The following ACSL1 variants were observed in gnomAD, a reference collection of about 807,000 sequenced individuals.
The protein encoded by ACSL1 is acyl-CoA synthetase long chain family member 1.
Under a neutral mutation model 98.4 loss-of-function variants are expected in ACSL1, and 41 were observed. The ratio of observed to expected loss-of-function variants is 0.42; its 90% CI spans 0.32 to 0.54. ACSL1 has a LOEUF of 0.54. ACSL1 is among the 20% of genes least tolerant of loss of function. The pLI, the probability that ACSL1 is intolerant of heterozygous loss-of-function variation, is 0.13. For synonymous variants in ACSL1, 316 were observed against 322.7 expected (o/e 0.98, Z 0.22); for missense variants, 734 against 883.1 (o/e 0.83, Z 2.14).
rs1385759276 is a variant in ACSL1, at chr4:184,757,748, T to C, written c.1885-42A>G. On this transcript the variant is annotated intron_variant, in intron 19 of 20. Transcript: ENST00000281455. The surrounding 1 kb of genome is among the most constrained non-coding windows in gnomAD (Gnocchi z 4.5). ...AATAAATTACTTCCTCTGTTAGAGG[T>C]CCCTGAATATCTACAGGTACATTTA... 2.5e-6 allele frequency: 4 copies of C among 1,609,538 alleles called. No individual in the cohort carries two copies. The highest frequency in any genetic ancestry group is 2.6e-6 in the Non-Finnish European group (3 of 1,176,190).
Position 184,773,771 on chromosome 4 carries a change from A to C in ACSL1, c.790-57T>G. 1.2e-6 allele frequency: 2 copies of C among 1,610,982 alleles called. No homozygotes were observed. Among genetic ancestry groups the C allele is most frequent in the Non-Finnish European group, 1.7e-6 (2 of 1,179,020 alleles). On this transcript the variant is annotated intron_variant, in intron 8 of 20. Coordinates refer to ENST00000281455, the MANE Select transcript of ACSL1 (RefSeq NM_001995.5). This position sits in a 1 kb window ranked among gnomAD's most constrained non-coding sequence, Gnocchi z 4.3. ...AATCAGAACAGAAAAGAGAACTATA[A>C]GCCACAAGGTACCAGGCTAGATATT... is the stretch of plus-strand genomic sequence containing the variant.
intron 7 of ACSL1, among the ~76,000 whole-genome samples, chr4:184,776,274 G>C (rs1765270919): frequency 6.6e-6 from 1 of 152,216 alleles, no homozygotes. Context: ...GAAAGCACTT[G>C]GGTAAGGTGT....
At chr4:184,772,161 T>A (rs530629680) in intron 10 of ACSL1, among the ~76,000 whole-genome samples, 1 of 152,346 alleles carries the variant, frequency 6.6e-6, no homozygotes, top group Non-Finnish European at 1.5e-5. Context: ...TGAAGGCCAA[T>A]TAGGAAATTA....
chr4:184,766,894 T>A lies in ACSL1; in HGVS notation c.1129-138A>T. On this transcript the variant is annotated intron_variant, in intron 12 of 20. Coordinates refer to ENST00000281455, the MANE Select transcript of ACSL1 (RefSeq NM_001995.5). This position sits in a 1 kb window ranked among gnomAD's most constrained non-coding sequence, Gnocchi z 4.8. ...TGCTCTGACAGCCTGGCCGGTCCTC[T>A]AACGGCCCCACATGGTCAGCACAGG... is the stretch of plus-strand genomic sequence containing the variant. The A allele has an allele frequency of 1.0e-6, 1 of 963,262 alleles. No individual in the cohort carries two copies. The allele number at this position is 963,262 out of a possible 1,614,324, so 59.7% of individuals were successfully genotyped here.
chr4:184,824,916 A>G (rs891236394), intron 1 of ACSL1, among the ~76,000 whole-genome samples: 1 of 152,220 alleles, frequency 6.6e-6, no homozygotes, highest in East Asian at 1.9e-4. Context: ...GGACAATCAC[A>G]GGTTAAGTTG....
At chr4:184,798,191 G>C (rs942056087) in intron 2 of ACSL1, 1 of 152,178 alleles carries the variant, frequency 6.6e-6, no homozygotes, top group Non-Finnish European at 1.5e-5. Context: ...TCTAAACAGT[G>C]AATCTGTGAT....
chr4:184,793,756 G>A (rs960010158), intron 2 of ACSL1, among the ~76,000 whole-genome samples: 1 of 152,158 alleles, frequency 6.6e-6, no homozygotes, highest in East Asian at 1.9e-4. Context: ...GGGTTCTAAT[G>A]CGGGATCCAT....
intron 12 of ACSL1, among the ~76,000 whole-genome samples, chr4:184,767,568 T>C (rs973109740): frequency 5.3e-5 from 8 of 152,090 alleles, no homozygotes; most frequent in Non-Finnish European, 1.0e-4. Context: ...TAAAATTGAT[T>C]GTAGTGATGG....
At chr4:184,768,713 T>C (rs1298803426) in intron 11 of ACSL1, among the ~76,000 whole-genome samples, 2 of 152,114 alleles carry the variant, frequency 1.3e-5, no homozygotes, top group African/African-American at 4.8e-5. Context: ...ACCACAGAGG[T>C]TCTACTCTTT....
Position 184,773,658 on chromosome 4 carries a change from C to T in ACSL1, c.841+5G>A. The T allele has an allele frequency of 2.5e-6, 4 of 1,611,098 alleles. No individual in the cohort carries two copies. The highest frequency in any genetic ancestry group is 3.4e-6 in the Non-Finnish European group (4 of 1,179,012). On this transcript the variant is annotated splice_donor_5th_base_variant and intron_variant, in intron 9 of 20. Transcript: ENST00000281455. This position sits in a 1 kb window ranked among gnomAD's most constrained non-coding sequence, Gnocchi z 4.3. ...ATGTAGAAGCAATTCTATCTCAAAA[C>T]TCACCTGTAGTTCCACTTGTGAAAC...
chr4:184,766,366 C>T lies in ACSL1; in HGVS notation c.1263+256G>A, dbSNP rs59902981. Among the ~76,000 whole-genome samples, 7,062 of 152,186 alleles carry T rather than the reference C, an allele frequency of 0.046. 362 individuals carry two copies. Among genetic ancestry groups the T allele is most frequent in the African/African-American group, 0.13 (5,480 of 41,490 alleles). On this transcript the variant is annotated intron_variant, in intron 13 of 20. Transcript: ENST00000281455. This position sits in a 1 kb window ranked among gnomAD's most constrained non-coding sequence, Gnocchi z 4.8. The stretch of plus-strand genomic sequence containing the variant: ...GAGTGACACGCTTGTTCCGGAAAAA[C>T]GCAACAAAATGGAGAATGAGAAAGG...
chr4:184,764,341 G>A lies in ACSL1; in HGVS notation c.1432+512C>T, dbSNP rs541228607. On this transcript the variant is annotated intron_variant, in intron 15 of 20. Coordinates refer to ENST00000281455, the MANE Select transcript of ACSL1 (RefSeq NM_001995.5). ...TACATCCTAAGCACCCATCACAGAG[G>A]CTTACCCATGACAGATGCTCAATTA... Among the ~76,000 whole-genome samples the A allele has an allele frequency of 1.3e-4, 20 of 152,312 alleles. No homozygotes were observed. The South Asian group carries it at 2.7e-3, about 21-fold the overall frequency.
chr4:184,785,028 C>G lies in ACSL1; in HGVS notation c.311-1037G>C, dbSNP rs572655515. 2.0e-5 allele frequency among the ~76,000 whole-genome samples: 3 copies of G among 152,148 alleles called. No individual in the cohort carries two copies. In the South Asian group the frequency reaches 6.2e-4, roughly 31 times the overall value. The stretch of plus-strand genomic sequence containing the variant: ...TTTATTCCTCAAAAACAGAGACGGG[C>G]GCACTGCAGCCAAGGGCCAAATCAG... On this transcript the variant is annotated intron_variant, in intron 3 of 20. Coordinates refer to ENST00000281455, the MANE Select transcript of ACSL1 (RefSeq NM_001995.5).
At chr4:184,764,796 T>C (rs943561861) in intron 15 of ACSL1, 57 bp downstream of exon 15, 18 of 1,485,938 alleles carry the variant, frequency 1.2e-5, no homozygotes, top group African/African-American at 5.7e-5. Flanking sequence ...ATTCCAGACA[T>C]ACCAATAACC....
In ACSL1 at chr4:184,803,591, C is replaced by A; in HGVS notation, c.-32-45G>T. ...TCACGTTCGTTCCAGGGAAGCAGGA[C>A]CCCTCTCCAGAACTCCAAAATTCCA... On this transcript the variant is annotated intron_variant, in intron 1 of 20. Coordinates refer to ENST00000281455, the MANE Select transcript of ACSL1 (RefSeq NM_001995.5). The surrounding 1 kb of genome is among the most constrained non-coding windows in gnomAD (Gnocchi z 4.8). The A allele has an allele frequency of 7.5e-7, 1 of 1,328,758 alleles. No individual in the cohort carries two copies. Among genetic ancestry groups the A allele is most frequent in the Non-Finnish European group, 9.8e-7 (1 of 1,021,564 alleles). 82.3% of individuals were successfully genotyped at this position (1,328,758 alleles called of 1,614,324 possible).
Position 184,825,538 on chromosome 4 carries a change from G to C in ACSL1, c.-33+378C>G, listed in dbSNP as rs987709593. On this transcript the variant is annotated intron_variant, in intron 1 of 20. Coordinates refer to ENST00000281455, the MANE Select transcript of ACSL1 (RefSeq NM_001995.5). The surrounding 1 kb of genome is among the most constrained non-coding windows in gnomAD (Gnocchi z 4.7). ...GGACGAGGGCAACGTCAGCGGCCCAGCTGGGCCACCTCCTCCCAGCCGAAG... is the reference window on the plus strand; with the variant it reads ...GGACGAGGGCAACGTCAGCGGCCCACCTGGGCCACCTCCTCCCAGCCGAAG... 6.6e-6 allele frequency among the ~76,000 whole-genome samples: 1 copy of C among 151,664 alleles called. No homozygotes were observed. The highest frequency in any genetic ancestry group is 2.4e-5 in the African/African-American group (1 of 41,384).
At chr4:184,809,835 C>T (rs1242604664) in intron 1 of ACSL1, among the ~76,000 whole-genome samples, 3 of 152,112 alleles carry the variant, frequency 2.0e-5, no homozygotes, top group Admixed American at 2.0e-4. Context: ...AACCACATTT[C>T]ATTAATATGT....
chr4:184,799,810 C>T (rs1770152309), intron 2 of ACSL1, among the ~76,000 whole-genome samples: 1 of 152,098 alleles, frequency 6.6e-6, no homozygotes, highest in African/African-American at 2.4e-5. Flanking sequence ...GACCACACCA[C>T]TGCACTCCAG....
chr4:184,788,021 G>C (rs1767699941), intron 3 of ACSL1, among the ~76,000 whole-genome samples: 1 of 152,152 alleles, frequency 6.6e-6, no homozygotes, highest in Non-Finnish European at 1.5e-5. Context: ...AAATAGAACT[G>C]CACAAAGCCT....
Sources: allele counts gnomAD v4.1 joint callset (sites outside exome capture counted in the v4.1 genomes callset), GRCh38; gene constraint gnomAD v4.1.1; non-coding constraint Gnocchi (gnomAD v3.1); transcripts MANE v1.5; gene names NCBI Gene and HGNC (gene_info 2026-07-23, HGNC 2026-07-21).